NKAIN2: variants seen among roughly 807,000 people sequenced by gnomAD.
NKAIN2 encodes sodium/potassium-transporting ATPase subunit beta-1-interacting protein 2.
NKAIN2 carries 14 observed loss-of-function variants against 32.6 expected under a neutral mutation model. The observed-to-expected ratio is 0.43, with a 90% CI of 0.28 to 0.67. The LOEUF is 0.67. Ranked by LOEUF, NKAIN2 falls within the 30% of genes least tolerant of loss-of-function variation. The probability of loss-of-function intolerance (pLI) is 0.17; values close to 1 mark genes in which losing one functional copy is unlikely to be tolerated. For missense variants in NKAIN2, 198 were observed against 258.3 expected, an observed-to-expected ratio of 0.77 and a Z score of 1.60; for synonymous variants, 80 against 87.2, an observed-to-expected ratio of 0.92 and a Z score of 0.46.
chr6:124,497,501 G>A (rs1272767456), intron 3 of NKAIN2, among the ~76,000 whole-genome samples: 1 of 151,998 alleles, frequency 6.6e-6, no homozygotes, highest in African/African-American at 2.4e-5. Context: ...ATGTGGTCTT[G>A]GTTGTTCCAG....
intron 3 of NKAIN2, among the ~76,000 whole-genome samples, chr6:124,366,701 C>T (rs1298587956): frequency 6.6e-6 from 1 of 151,954 alleles, no homozygotes; most frequent in Non-Finnish European, 1.5e-5. Flanking sequence ...CTTTGGGAGG[C>T]TGAGGTGGGT....
intron 1 of NKAIN2, among the ~76,000 whole-genome samples, chr6:124,269,684 T>C (rs146045628): frequency 3.1e-4 from 47 of 152,128 alleles, no homozygotes; most frequent in African/African-American, 1.1e-3. Context: ...GCCAGGCTGG[T>C]CTCAAGCTCC....
intron 4 of NKAIN2, among the ~76,000 whole-genome samples, chr6:124,669,352 G>C (rs1428711866): frequency 2.0e-5 from 3 of 152,068 alleles, no homozygotes; most frequent in Non-Finnish European, 4.4e-5. Context: ...TTTGCTGTCA[G>C]GTAAATTAAA....
chr6:124,023,076 A>G (rs963790746), intron 1 of NKAIN2, among the ~76,000 whole-genome samples: 1 of 151,454 alleles, frequency 6.6e-6, no homozygotes, highest in Admixed American at 6.6e-5. Flanking sequence ...AAGTATATAT[A>G]TATATGTGTG....
chr6:124,214,568 A>G (rs887261105), intron 1 of NKAIN2, among the ~76,000 whole-genome samples: 2 of 151,826 alleles, frequency 1.3e-5, no homozygotes, highest in Non-Finnish European at 2.9e-5. Flanking sequence ...GGCCAACATA[A>G]TGAAACCCTG....
intron 3 of NKAIN2, among the ~76,000 whole-genome samples, chr6:124,427,770 T>C (rs901223489): frequency 6.6e-6 from 1 of 152,162 alleles, no homozygotes; most frequent in Non-Finnish European, 1.5e-5. Context: ...TCACTGGTCT[T>C]ATAGACCACA....
chr6:124,813,403 A>G (rs1781004653), intron 5 of NKAIN2, among the ~76,000 whole-genome samples: 1 of 152,182 alleles, frequency 6.6e-6, no homozygotes, highest in Non-Finnish European at 1.5e-5. Context: ...AACAAATAAC[A>G]GAAGGAGGAA....
intron 3 of NKAIN2, among the ~76,000 whole-genome samples, chr6:124,566,980 G>C (rs146774928): frequency 8.3e-4 from 126 of 152,312 alleles, no homozygotes; most frequent in African/African-American, 2.8e-3. Context: ...AACTCAAATT[G>C]TTCTGGCTTC....
intron 1 of NKAIN2, among the ~76,000 whole-genome samples, chr6:124,173,413 G>A (rs1049446827): frequency 3.3e-5 from 5 of 152,080 alleles, no homozygotes; most frequent in Non-Finnish European, 7.4e-5. Context: ...TTTCAGTAAT[G>A]AAGTGAGATA....
chr6:124,353,598 CA>C (rs1400960935), intron 2 of NKAIN2, among the ~76,000 whole-genome samples: 1 of 151,826 alleles, frequency 6.6e-6, no homozygotes, highest in Non-Finnish European at 1.5e-5. Flanking sequence ...ACTAAAAATA[CA>C]AAAAAATTAG....
intron 1 of NKAIN2, among the ~76,000 whole-genome samples, chr6:123,903,314 A>G (rs7750496): frequency 0.3 from 44,989 of 151,996 alleles, 9,099 homozygotes; most frequent in African/African-American, 0.58. Flanking sequence ...TTTTTTGCTG[A>G]TGGAGAAAGT....
intron 1 of NKAIN2, among the ~76,000 whole-genome samples, chr6:124,036,142 C>T (rs1297669494): frequency 6.6e-6 from 1 of 152,016 alleles, no homozygotes; most frequent in African/African-American, 2.4e-5. Flanking sequence ...ATTTCATAGC[C>T]GCAAAACCCA....
At chr6:124,173,138 A>T (rs1788978797) in intron 1 of NKAIN2, among the ~76,000 whole-genome samples, 1 of 152,166 alleles carries the variant, frequency 6.6e-6, no homozygotes, top group Admixed American at 6.5e-5. Context: ...GAAATATTTC[A>T]AATTGTCTAA....
intron 4 of NKAIN2, among the ~76,000 whole-genome samples, chr6:124,758,513 T>G (rs1412828301): frequency 1.3e-5 from 2 of 152,114 alleles, no homozygotes; most frequent in African/African-American, 4.8e-5. Context: ...TTGCTAAATC[T>G]AGCCAGTCTA....
At chr6:124,324,268 C>T (rs1380560277) in intron 2 of NKAIN2, among the ~76,000 whole-genome samples, 1 of 152,154 alleles carries the variant, frequency 6.6e-6, no homozygotes. Flanking sequence ...TCATTTAGAT[C>T]ATCTTTGATT....
chr6:124,176,144 A>T (rs2114521865), intron 1 of NKAIN2, among the ~76,000 whole-genome samples: 1 of 152,336 alleles, frequency 6.6e-6, no homozygotes, highest in South Asian at 2.1e-4. Flanking sequence ...ATTATGCAAT[A>T]GCATTATGTC....
intron 1 of NKAIN2, among the ~76,000 whole-genome samples, chr6:124,233,460 A>G (rs1792568289): frequency 6.6e-6 from 1 of 152,134 alleles, no homozygotes; most frequent in South Asian, 2.1e-4. Flanking sequence ...TGATGCTGCC[A>G]AAGCAAGATA....
intron 1 of NKAIN2, among the ~76,000 whole-genome samples, chr6:124,053,896 G>A (rs1393382089): frequency 6.6e-6 from 1 of 152,030 alleles, no homozygotes; most frequent in Non-Finnish European, 1.5e-5. Flanking sequence ...CAAGGTCCCT[G>A]AGACTGGTGA....
intron 2 of NKAIN2, among the ~76,000 whole-genome samples, chr6:124,353,733 C>G (rs113575423): frequency 6.7e-6 from 1 of 148,228 alleles, no homozygotes; most frequent in Non-Finnish European, 1.5e-5. Flanking sequence ...CCAGCCTGGG[C>G]GACAGAGCGA....
Sources: allele counts gnomAD v4.1 joint callset (sites outside exome capture counted in the v4.1 genomes callset), GRCh38; gene constraint gnomAD v4.1.1; transcripts MANE v1.5; gene names NCBI Gene and HGNC (gene_info 2026-07-23, HGNC 2026-07-21).